Variants in ROCK1 observed in about 807,000 individuals in gnomAD.
The protein encoded by ROCK1 is Rho associated coiled-coil containing protein kinase 1.
ROCK1 carries 36 observed loss-of-function variants against 196.8 expected under a neutral mutation model. The ratio of observed to expected loss-of-function variants is 0.18; its 90% CI spans 0.14 to 0.24. ROCK1 has a LOEUF of 0.24. ROCK1 is among the 10% of genes least tolerant of loss of function. The probability of loss-of-function intolerance (pLI) is 1.00; values close to 1 mark genes in which losing one functional copy is unlikely to be tolerated. For missense variants in ROCK1, 920 were observed against 1,562.0 expected, an observed-to-expected ratio of 0.59 and a Z score of 6.93; for synonymous variants, 443 against 515.9, an observed-to-expected ratio of 0.86 and a Z score of 1.91.
At chr18:21,024,978 T>C (rs2035943792) in intron 10 of ROCK1, among the ~76,000 whole-genome samples, 1 of 152,240 alleles carries the variant, frequency 6.6e-6, no homozygotes, top group South Asian at 2.1e-4. Flanking sequence ...GCCAGTGGCA[T>C]CTAAATTAGA....
chr18:21,001,407 T>C (rs185633925), intron 16 of ROCK1, among the ~76,000 whole-genome samples: 2 of 152,334 alleles, frequency 1.3e-5, no homozygotes, highest in East Asian at 3.9e-4. Flanking sequence ...TATTTTTAAA[T>C]GGTTAGCTTT....
chr18:21,010,525 T>C (rs562073191), intron 13 of ROCK1, among the ~76,000 whole-genome samples: 2 of 152,372 alleles, frequency 1.3e-5, no homozygotes, highest in South Asian at 2.1e-4. Flanking sequence ...GTTTATTGTT[T>C]GCTTTCCATG....
chr18:21,062,248 C>T (rs985210766), intron 2 of ROCK1, among the ~76,000 whole-genome samples: 5 of 151,988 alleles, frequency 3.3e-5, no homozygotes, highest in Admixed American at 1.3e-4. Flanking sequence ...CCTGGAGCAT[C>T]GTGTAATGCC....
At chr18:20,957,737 G>T (rs1348846207) in intron 29 of ROCK1, among the ~76,000 whole-genome samples, 2 of 151,248 alleles carry the variant, frequency 1.3e-5, no homozygotes, top group Non-Finnish European at 2.9e-5. Context: ...TCCCACCTCA[G>T]CCTTCCAAAG....
chr18:21,048,299 A>T (rs1373885032), intron 4 of ROCK1, among the ~76,000 whole-genome samples: 1 of 152,216 alleles, frequency 6.6e-6, no homozygotes, highest in Non-Finnish European at 1.5e-5. Flanking sequence ...GACCTAGCTT[A>T]ACTTGGTTTC....
intron 26 of ROCK1, among the ~76,000 whole-genome samples, chr18:20,967,343 A>AT (rs2035383532): frequency 6.6e-6 from 1 of 152,178 alleles, no homozygotes; most frequent in Non-Finnish European, 1.5e-5. Flanking sequence ...AAGTTACAAC[A>AT]AAAGAAAATG....
At chr18:21,005,825 T>C (rs963243108) in intron 16 of ROCK1, among the ~76,000 whole-genome samples, 2 of 152,116 alleles carry the variant, frequency 1.3e-5, no homozygotes, top group Non-Finnish European at 2.9e-5. Flanking sequence ...TGCAGTGAGC[T>C]GTGATCATGC....
intron 11 of ROCK1, among the ~76,000 whole-genome samples, chr18:21,021,104 AAAG>A (rs2035909298): frequency 6.6e-6 from 1 of 152,240 alleles, no homozygotes; most frequent in Non-Finnish European, 1.5e-5. Flanking sequence ...AGTAATGGAT[AAAG>A]GTATCAATTG....
At chr18:21,030,216 A>G (rs2035994381) in intron 9 of ROCK1, among the ~76,000 whole-genome samples, 1 of 152,192 alleles carries the variant, frequency 6.6e-6, no homozygotes, top group Non-Finnish European at 1.5e-5. Flanking sequence ...CTTGGGAAAT[A>G]CAGAAGTTAA....
chr18:21,001,266 A>T (rs2035721598), intron 16 of ROCK1, among the ~76,000 whole-genome samples: 2 of 152,192 alleles, frequency 1.3e-5, no homozygotes, highest in South Asian at 4.1e-4. Context: ...TTGCCAGGAG[A>T]TAGTGGAGCG....
chr18:20,985,149 T>C (rs777455568), intron 19 of ROCK1, among the ~76,000 whole-genome samples: 2 of 151,646 alleles, frequency 1.3e-5, no homozygotes, highest in Non-Finnish European at 2.9e-5. Flanking sequence ...AGTACTTAAA[T>C]TTACCTGTCT....
intron 13 of ROCK1, among the ~76,000 whole-genome samples, chr18:21,012,736 C>G (rs1161291677): frequency 6.6e-6 from 1 of 152,140 alleles, no homozygotes; most frequent in Non-Finnish European, 1.5e-5. Context: ...GCCCTTTCTC[C>G]TCTCCTTTAG....
rs143955726 is a variant in ROCK1, at chr18:21,100,438, G to A, written c.93+10380C>T. ...AAGGAAGCTCTATCAAAGATAATTA[G>A]GGTCATATACAAATAACATGAGAAT... is the stretch of plus-strand genomic sequence containing the variant. On this transcript the variant is annotated intron_variant, in intron 1 of 32. Transcript: ENST00000399799. 2.0e-3 allele frequency among the ~76,000 whole-genome samples: 304 copies of A among 151,406 alleles called. 2 individuals are homozygous for A. Among genetic ancestry groups the A allele is most frequent in the African/African-American group, 6.8e-3 (282 of 41,332 alleles).
At chr18:20,993,689 T>C (rs935715720) in intron 16 of ROCK1, among the ~76,000 whole-genome samples, 3 of 152,166 alleles carry the variant, frequency 2.0e-5, no homozygotes, top group African/African-American at 4.8e-5. Flanking sequence ...AAAGCTTAGT[T>C]TTAACTTACC....
chr18:21,072,163 T>G (rs2036391097), intron 1 of ROCK1, among the ~76,000 whole-genome samples: 1 of 152,224 alleles, frequency 6.6e-6, no homozygotes, highest in African/African-American at 2.4e-5. Context: ...ATCTGAGTTT[T>G]GCGTGACCAA....
chr18:20,947,205 T>C lies in ROCK1; in HGVS notation c.*4179A>G, dbSNP rs2035137010. 6.6e-6 allele frequency: 1 copy of C among 152,130 alleles called. No homozygotes were observed. Among genetic ancestry groups the C allele is most frequent in the African/African-American group, 2.4e-5 (1 of 41,414 alleles). The allele number at this position is 152,130 out of a possible 1,614,324, so 9.4% of individuals were successfully genotyped here. ...CTTTCAATATGTGAAGTGGAATTAATGTTATTCTTTTCCTACCTCACAAAA... is the reference window on the plus strand; with the variant it reads ...CTTTCAATATGTGAAGTGGAATTAACGTTATTCTTTTCCTACCTCACAAAA... On this transcript the variant is annotated 3_prime_UTR_variant, in exon 33 of 33. Coordinates refer to ENST00000399799, the MANE Select transcript of ROCK1 (RefSeq NM_005406.3).
intron 1 of ROCK1, among the ~76,000 whole-genome samples, chr18:21,086,210 C>G (rs1334171735): frequency 6.6e-6 from 1 of 150,820 alleles, no homozygotes; most frequent in Non-Finnish European, 1.5e-5. Context: ...CTCCCAGGTT[C>G]AAGCTATTCT....
intron 11 of ROCK1, among the ~76,000 whole-genome samples, chr18:21,022,087 T>C (rs748660934): frequency 7.2e-5 from 11 of 152,110 alleles, no homozygotes; most frequent in Admixed American, 1.3e-4. Flanking sequence ...TATCAGCTTT[T>C]TAAAAATGGC....
Position 20,953,799 on chromosome 18 carries a change from GA to G in ROCK1, c.3854-15del, listed in dbSNP as rs756203000. On this transcript the variant is annotated splice_polypyrimidine_tract_variant and intron_variant, in intron 31 of 32. Coordinates refer to ENST00000399799, the MANE Select transcript of ROCK1 (RefSeq NM_005406.3). Reference sequence around the variant, plus strand: ...CATCATAACTTACTATGTTAAGGAGGAAAAAAAAAGCATAATTAAAGCCATA... The same window carrying G: ...CATCATAACTTACTATGTTAAGGAGGAAAAAAAAGCATAATTAAAGCCATA... 2.0e-4 allele frequency: 221 copies of G among 1,125,372 alleles called. No individual in the cohort carries two copies. The highest frequency in any genetic ancestry group is 3.2e-4 in the South Asian group (20 of 62,306). The allele number at this position is 1,125,372 out of a possible 1,614,324, so 69.7% of individuals were successfully genotyped here. A position where few individuals can be genotyped will look rare whatever the true frequency, so the allele number is the denominator to read the frequency against.
Sources: allele counts gnomAD v4.1 joint callset (sites outside exome capture counted in the v4.1 genomes callset), GRCh38; gene constraint gnomAD v4.1.1; transcripts MANE v1.5; gene names NCBI Gene and HGNC (gene_info 2026-07-23, HGNC 2026-07-21).